The following BNC2 variants were observed in gnomAD, a reference collection of about 807,000 sequenced individuals.
BNC2 encodes the protein zinc finger protein basonuclin-2.
BNC2 carries 20 observed loss-of-function variants against 76.3 expected under a neutral mutation model. The ratio of observed to expected loss-of-function variants is 0.26; its 90% CI spans 0.18 to 0.38. The LOEUF is 0.38. Among genes scored for constraint, BNC2 ranks in the 10% least tolerant of loss-of-function variants. The probability of loss-of-function intolerance (pLI) is 1.00; values close to 1 mark genes in which losing one functional copy is unlikely to be tolerated. For missense variants in BNC2, 1,382 were observed against 1,399.8 expected (o/e 0.99, Z 0.20); for synonymous variants, 582 against 514.8 (o/e 1.13, Z -1.77).
chr9:16,711,493 G>A (rs928921325), intron 3 of BNC2, among the ~76,000 whole-genome samples: 1 of 152,170 alleles, frequency 6.6e-6, no homozygotes, highest in African/African-American at 2.4e-5. Flanking sequence ...ATTATTGTTC[G>A]AAGATAAACA....
chr9:16,419,134 A>G lies in BNC2; in HGVS notation c.3155T>C (p.Val1052Ala), dbSNP rs1363523575. The change falls in exon 7 of 7, where the codon GTG becomes GCG. Residue 1052 changes from valine (V) to alanine (A), a missense_variant. Physicochemically the swap from Val to Ala is moderately conservative, Grantham distance 64. Around this residue, in one of 3 missense-constraint regions of BNC2, gnomAD observed 798 missense variants for 775.5 expected, o/e 1.03. Coordinates refer to ENST00000380672, the MANE Select transcript of BNC2 (RefSeq NM_017637.6). ...TCTCAAATGCACAGTTTTGTAGTGC[A>G]CTCTCAGGGTCCCCTTGTTGCTGTA... ...KMYSNKGTLR[V>A]HYKTVHLREM... 2 of 1,614,030 alleles carry G rather than the reference A, an allele frequency of 1.2e-6. No homozygotes were observed. Among genetic ancestry groups the G allele is most frequent in the Non-Finnish European group, 1.7e-6 (2 of 1,180,048 alleles).
chr9:16,535,986 C>A (rs1818119679), intron 5 of BNC2, among the ~76,000 whole-genome samples: 1 of 152,198 alleles, frequency 6.6e-6, no homozygotes, highest in South Asian at 2.1e-4. Flanking sequence ...CCAGTAACAA[C>A]CTAATAGCCA....
intron 5 of BNC2, among the ~76,000 whole-genome samples, chr9:16,530,802 G>A (rs756330731): frequency 1.6e-4 from 24 of 152,178 alleles, no homozygotes; most frequent in Non-Finnish European, 2.9e-4. Context: ...TTGCTCTGAC[G>A]CACGGCCAGC....
intron 3 of BNC2, among the ~76,000 whole-genome samples, chr9:16,723,509 G>C (rs1050818865): frequency 3.3e-5 from 5 of 150,660 alleles, no homozygotes; most frequent in Non-Finnish European, 7.4e-5. Context: ...ATTGGGGGGG[G>C]GGACAAAAAC....
chr9:16,532,077 G>A (rs2132240474), intron 5 of BNC2, among the ~76,000 whole-genome samples: 2 of 150,240 alleles, frequency 1.3e-5, no homozygotes, highest in South Asian at 4.2e-4. Context: ...ACTACTTTCT[G>A]TTAACACATA....
intron 3 of BNC2, among the ~76,000 whole-genome samples, chr9:16,588,936 G>A (rs971254162): frequency 6.6e-6 from 1 of 152,174 alleles, no homozygotes; most frequent in African/African-American, 2.4e-5. Context: ...ACTCCTATTA[G>A]CAGTTGTTTA....
chr9:16,781,540 G>A (rs1205398890), intron 1 of BNC2, among the ~76,000 whole-genome samples: 3 of 152,134 alleles, frequency 2.0e-5, no homozygotes, highest in East Asian at 1.9e-4. Flanking sequence ...ACGGGGTTTC[G>A]TTGTGTTGCC....
At chr9:16,420,301 T>C (rs983988598) in intron 6 of BNC2, among the ~76,000 whole-genome samples, 2 of 152,154 alleles carry the variant, frequency 1.3e-5, no homozygotes, top group African/African-American at 4.8e-5. Flanking sequence ...ACAACACGAA[T>C]GCCTTTTCTC....
intron 3 of BNC2, among the ~76,000 whole-genome samples, chr9:16,719,954 A>T (rs546542249): frequency 1.3e-5 from 2 of 152,226 alleles, no homozygotes; most frequent in Non-Finnish European, 2.9e-5. Context: ...GCACAAAATA[A>T]TAAGTCCAAG....
At chr9:16,700,464 T>C (rs2134561461) in intron 3 of BNC2, among the ~76,000 whole-genome samples, 1 of 152,184 alleles carries the variant, frequency 6.6e-6, no homozygotes, top group East Asian at 1.9e-4. Flanking sequence ...TGAGCTATGA[T>C]CACACCACTG....
At position 16,414,087 on chromosome 9, in the gene BNC2, C is replaced by T. The variant is rs1342028132; in HGVS notation, c.*4902G>A. ...CAAAGCAAAAGCAACCAAAACCCCA[C>T]AATTGTCGGCTCTTCCTGACCCCAA... On this transcript the variant is annotated 3_prime_UTR_variant, in exon 7 of 7. Transcript: ENST00000380672. 1.3e-5 allele frequency: 2 copies of T among 152,226 alleles called. No homozygotes were observed. Among genetic ancestry groups the T allele is most frequent in the African/African-American group, 4.8e-5 (2 of 41,426 alleles). 9.4% of individuals were successfully genotyped at this position (152,226 alleles called of 1,614,324 possible).
Position 16,586,007 on chromosome 9 carries a change from T to A in BNC2, c.331-2922A>T, listed in dbSNP as rs187082570. Reference sequence around the variant, plus strand: ...GCAGAGATTAGTATTCAGGTCTGGGTAAAGCAGGCCTCCAGGACCCAGCCT... The same window carrying A: ...GCAGAGATTAGTATTCAGGTCTGGGAAAAGCAGGCCTCCAGGACCCAGCCT... On this transcript the variant is annotated intron_variant, in intron 3 of 6. Coordinates refer to ENST00000380672, the MANE Select transcript of BNC2 (RefSeq NM_017637.6). 1.4e-3 allele frequency among the ~76,000 whole-genome samples: 214 copies of A among 152,290 alleles called. 4 individuals are homozygous for A. Among genetic ancestry groups the A allele is most frequent in the Admixed American group, 0.013 (195 of 15,294 alleles).
rs557912655 is a variant in BNC2 at position 16,475,497 on chromosome 9, A to G, written c.670-37973T>C. On this transcript the variant is annotated intron_variant, in intron 5 of 6. Coordinates refer to ENST00000380672, the MANE Select transcript of BNC2 (RefSeq NM_017637.6). The stretch of plus-strand genomic sequence containing the variant: ...TACGCTACAGCTCACTTAAGCATCC[A>G]CTCAGATTCGGTATTTGATCCACAA... Among the ~76,000 whole-genome samples the G allele has an allele frequency of 7.8e-4, 118 of 152,228 alleles. 1 individual carries two copies. In the South Asian group the frequency reaches 0.024, roughly 31 times the overall value.
At chr9:16,649,312 T>C (rs1001257518) in intron 3 of BNC2, among the ~76,000 whole-genome samples, 5 of 152,124 alleles carry the variant, frequency 3.3e-5, no homozygotes, top group Non-Finnish European at 7.3e-5. Context: ...TTAAGAACCA[T>C]TAGTTTTGAA....
chr9:16,662,110 T>C (rs1822126920), intron 3 of BNC2, among the ~76,000 whole-genome samples: 2 of 152,230 alleles, frequency 1.3e-5, no homozygotes, highest in South Asian at 4.1e-4. Context: ...CTACTCAAGC[T>C]GTTAAACTCC....
intron 3 of BNC2, among the ~76,000 whole-genome samples, chr9:16,667,076 CACAT>C (rs201667282): frequency 6.9e-6 from 1 of 145,446 alleles, no homozygotes; most frequent in East Asian, 2.0e-4. Context: ...CACTCAGATA[CACAT>C]ACACACACAC....
rs1429091050 is a variant in BNC2, at chr9:16,443,494, C to G, written c.670-5970G>C. Among the ~76,000 whole-genome samples the G allele has an allele frequency of 1.3e-5, 2 of 151,784 alleles. 1 individual carries two copies. Among genetic ancestry groups the G allele is most frequent in the East Asian group, 3.8e-4 (2 of 5,200 alleles). ...AGAAATTACCAAATTTCAAGCCTAC[C>G]TAGCTTAAGTATTCCATTAGGTAAA... On this transcript the variant is annotated intron_variant, in intron 5 of 6. Coordinates refer to ENST00000380672, the MANE Select transcript of BNC2 (RefSeq NM_017637.6).
intron 5 of BNC2, among the ~76,000 whole-genome samples, chr9:16,534,665 A>G (rs1587141003): frequency 6.6e-6 from 1 of 152,158 alleles, no homozygotes; most frequent in Admixed American, 6.5e-5. Flanking sequence ...CCACCCATCT[A>G]TAAGAAGTAC....
chr9:16,855,277 G>T (rs951499919), intron 1 of BNC2, among the ~76,000 whole-genome samples: 1 of 152,098 alleles, frequency 6.6e-6, no homozygotes, highest in Non-Finnish European at 1.5e-5. Flanking sequence ...ATGGACTATG[G>T]TTAATTCTTT....
Sources: allele counts gnomAD v4.1 joint callset (sites outside exome capture counted in the v4.1 genomes callset), GRCh38; gene constraint gnomAD v4.1.1; regional missense constraint gnomAD v4.1.1; transcripts MANE v1.5; gene names NCBI Gene and HGNC (gene_info 2026-07-23, HGNC 2026-07-21).